Variants in KSR2 observed in about 807,000 individuals in gnomAD.
KSR2 encodes the protein kinase suppressor of ras 2.
A neutral mutation model predicts 107.8 loss-of-function variants in KSR2; 25 were observed. That is an observed-to-expected ratio of 0.23 (90% confidence interval 0.17 to 0.32). KSR2 has a LOEUF of 0.32. KSR2 is among the 10% of genes least tolerant of loss of function. The pLI, the probability that KSR2 is intolerant of heterozygous loss-of-function variation, is 1.00. For missense variants in KSR2, 887 were observed against 1,268.9 expected, an observed-to-expected ratio of 0.70 and a Z score of 4.57; for synonymous variants, 480 against 507.0, an observed-to-expected ratio of 0.95 and a Z score of 0.71.
At chr12:117,736,690 G>A (rs1887953088) in intron 4 of KSR2, among the ~76,000 whole-genome samples, 2 of 151,930 alleles carry the variant, frequency 1.3e-5, no homozygotes, top group African/African-American at 2.4e-5. Flanking sequence ...GTGCATGCCT[G>A]TAGTTCCAGC....
At position 117,813,984 on chromosome 12, in the gene KSR2, T is replaced by A. The variant is rs559630628; in HGVS notation, c.472+41444A>T. 1.6e-4 allele frequency among the ~76,000 whole-genome samples: 25 copies of A among 152,326 alleles called. No homozygotes were observed. In the South Asian group the frequency reaches 4.8e-3, roughly 29 times the overall value. On this transcript the variant is annotated intron_variant, in intron 3 of 19. Coordinates refer to ENST00000339824, the MANE Select transcript of KSR2 (RefSeq NM_173598.6). ...TCCTGCCATCTGTGGCAACATGGTA[T>A]AACTGGAGGACATTATATTAAGTGA... is the stretch of plus-strand genomic sequence containing the variant.
chr12:117,591,653 G>A (rs1880325759), intron 5 of KSR2, among the ~76,000 whole-genome samples: 1 of 151,744 alleles, frequency 6.6e-6, no homozygotes, highest in Non-Finnish European at 1.5e-5. Flanking sequence ...CAACATCACA[G>A]GAAAGTTGTC....
chr12:117,704,782 C>T (rs1463611325), intron 4 of KSR2, among the ~76,000 whole-genome samples: 2 of 151,844 alleles, frequency 1.3e-5, no homozygotes, highest in African/African-American at 4.8e-5. Context: ...TCACTTGAAC[C>T]CAGGAGGTGG....
At chr12:117,498,693 G>A (rs1873188764) in intron 14 of KSR2, among the ~76,000 whole-genome samples, 1 of 152,116 alleles carries the variant, frequency 6.6e-6, no homozygotes, top group Non-Finnish European at 1.5e-5. Context: ...CCCAGTGGGA[G>A]ATAATTGAAT....
At position 117,530,985 on chromosome 12, in the gene KSR2, G is replaced by A. The variant is rs1378692287; in HGVS notation, c.1758C>T (p.Thr586=). Residue 586 remains threonine (T), a synonymous_variant, in exon 12 of 20, where the codon ACC becomes ACT. Coordinates refer to ENST00000339824, the MANE Select transcript of KSR2 (RefSeq NM_173598.6). ...GATGCAGGATGACCTGGGGCGCCCG[G>A]GTCGGCGTCTCCGGCACCGGCACCA... ...PDVVPVPETP[T]RAPQVILHPV... 2 of 1,613,488 alleles carry A rather than the reference G, an allele frequency of 1.2e-6. No homozygotes were observed. Among genetic ancestry groups the A allele is most frequent in the African/African-American group, 1.3e-5 (1 of 74,900 alleles).
At chr12:117,952,365 T>G (rs186280334) in intron 1 of KSR2, among the ~76,000 whole-genome samples, 1 of 152,250 alleles carries the variant, frequency 6.6e-6, no homozygotes, top group Admixed American at 6.5e-5. Context: ...AAACAACTTT[T>G]GGGCCGGGAA....
At chr12:117,685,776 C>T (rs1208678305) in intron 4 of KSR2, among the ~76,000 whole-genome samples, 1 of 152,210 alleles carries the variant, frequency 6.6e-6, no homozygotes, top group Non-Finnish European at 1.5e-5. Context: ...CCACCCCCAA[C>T]CCACCACCAG....
At chr12:117,826,566 G>C (rs2137097629) in intron 3 of KSR2, among the ~76,000 whole-genome samples, 1 of 152,178 alleles carries the variant, frequency 6.6e-6, no homozygotes, top group African/African-American at 2.4e-5. Flanking sequence ...AGAGGGTCAA[G>C]CTTCCACTCT....
At chr12:117,539,442 T>G in intron 10 of KSR2, 1 of 405,334 alleles carries the variant, frequency 2.5e-6, no homozygotes, top group Non-Finnish European at 4.3e-6. Context: ...TCTCTAAGAG[T>G]TCCTGCACCT....
In KSR2 at chr12:117,852,801, T is replaced by C. The variant is rs183699714; in HGVS notation, c.472+2627A>G. Among the ~76,000 whole-genome samples, 7 of 152,148 alleles carry C rather than the reference T, an allele frequency of 4.6e-5. No homozygotes were observed. The East Asian group carries it at 1.4e-3, about 29-fold the overall frequency. On this transcript the variant is annotated intron_variant, in intron 3 of 19. Coordinates refer to ENST00000339824, the MANE Select transcript of KSR2 (RefSeq NM_173598.6). ...CCATAATTTTTAAAATATGGGTTTT[T>C]TGTTGTTGTTTTTTGTTTTTGAAAT...
At chr12:117,932,960 C>A (rs370331532) in intron 1 of KSR2, among the ~76,000 whole-genome samples, 1 of 152,108 alleles carries the variant, frequency 6.6e-6, no homozygotes, top group South Asian at 2.1e-4. Context: ...TTGCAGTGAG[C>A]CCAGATAGTG....
Position 117,506,352 on chromosome 12 carries a change from T to A in KSR2, c.2219+18500A>T, listed in dbSNP as rs536438397. On this transcript the variant is annotated intron_variant, in intron 14 of 19. Coordinates refer to ENST00000339824, the MANE Select transcript of KSR2 (RefSeq NM_173598.6). ...GGTTCTCCATATTATATGTTAATACTCTTTTGGCAGCCTGAAAATGACATT... is the reference window on the plus strand; with the variant it reads ...GGTTCTCCATATTATATGTTAATACACTTTTGGCAGCCTGAAAATGACATT... Among the ~76,000 whole-genome samples, 6 of 152,346 alleles carry A rather than the reference T, an allele frequency of 3.9e-5. 1 individual carries two copies. The South Asian group carries it at 1.0e-3, about 26-fold the overall frequency.
intron 1 of KSR2, among the ~76,000 whole-genome samples, chr12:117,934,293 C>T (rs1449310696): frequency 1.3e-5 from 2 of 152,114 alleles, no homozygotes; most frequent in African/African-American, 4.8e-5. Context: ...CATGACAACA[C>T]CGCTCCCTTT....
At chr12:117,846,401 C>T (rs1159360488) in intron 3 of KSR2, among the ~76,000 whole-genome samples, 2 of 151,446 alleles carry the variant, frequency 1.3e-5, no homozygotes, top group African/African-American at 4.9e-5. Flanking sequence ...TCAGGCAATC[C>T]TCCTGCCTCA....
At chr12:117,708,451 C>T (rs1301770149) in intron 4 of KSR2, among the ~76,000 whole-genome samples, 1 of 152,124 alleles carries the variant, frequency 6.6e-6, no homozygotes, top group African/African-American at 2.4e-5. Flanking sequence ...CCAGACTAGA[C>T]CCAAAGCCAG....
intron 1 of KSR2, among the ~76,000 whole-genome samples, chr12:117,967,484 A>AT (rs922763357): frequency 2.7e-4 from 41 of 150,792 alleles, no homozygotes; most frequent in South Asian, 8.4e-4. Context: ...TTCCATAGGA[A>AT]TTTTTTTTTT....
intron 5 of KSR2, among the ~76,000 whole-genome samples, chr12:117,644,019 A>C (rs1883506199): frequency 6.6e-6 from 1 of 152,176 alleles, no homozygotes; most frequent in African/African-American, 2.4e-5. Flanking sequence ...CCTTGTCCCC[A>C]CAGGCTGATC....
intron 14 of KSR2, among the ~76,000 whole-genome samples, chr12:117,507,540 A>AT (rs915730948): frequency 6.6e-6 from 1 of 152,204 alleles, no homozygotes; most frequent in African/African-American, 2.4e-5. Flanking sequence ...CTTAGAGACC[A>AT]TTTTGAGATA....
chr12:117,659,643 T>C lies in KSR2; in HGVS notation c.1171+7831A>G, dbSNP rs78427069. On this transcript the variant is annotated intron_variant, in intron 5 of 19. Transcript: ENST00000339824. ...GACTCAGGTTCAAGCCCCAGCTCTA[T>C]AGCCCTGGGCAAGTCCTTCCTACTC... Among the ~76,000 whole-genome samples the C allele has an allele frequency of 2.4e-4, 37 of 152,304 alleles. 1 individual carries two copies. In the East Asian group the frequency reaches 6.4e-3, roughly 26 times the overall value.
Sources: allele counts gnomAD v4.1 joint callset (sites outside exome capture counted in the v4.1 genomes callset), GRCh38; gene constraint gnomAD v4.1.1; transcripts MANE v1.5; gene names NCBI Gene and HGNC (gene_info 2026-07-23, HGNC 2026-07-21).